Variants in UNC80 observed in about 807,000 individuals in gnomAD.
UNC80 encodes protein unc-80 homolog.
A neutral mutation model predicts 384.6 loss-of-function variants in UNC80; 164 were observed. That is an observed-to-expected ratio of 0.43 (90% CI 0.38 to 0.49). The LOEUF is 0.49. Ranked by LOEUF, UNC80 falls within the 20% of genes least tolerant of loss-of-function variation. The pLI is 0.00. For missense variants in UNC80, 3,330 were observed against 4,143.0 expected (o/e 0.80, Z 5.39); for synonymous variants, 1,486 against 1,527.8 (o/e 0.97, Z 0.64).
chr2:209,879,504 C>T (rs2085087411), intron 24 of UNC80, among the ~76,000 whole-genome samples: 1 of 152,102 alleles, frequency 6.6e-6, no homozygotes, highest in Non-Finnish European at 1.5e-5. Flanking sequence ...CCTGAAAGAG[C>T]CTAGACTAAG....
intron 16 of UNC80, among the ~76,000 whole-genome samples, chr2:209,832,221 G>C (rs2081024303): frequency 6.6e-6 from 1 of 152,020 alleles, no homozygotes; most frequent in Non-Finnish European, 1.5e-5. Context: ...CTGCTTGGGG[G>C]ATGGGTGCAC....
rs75953381 is a variant in UNC80 at position 209,936,927 on chromosome 2, C to T, written c.6357C>T (p.Tyr2119=). The change falls in exon 41 of 65, where the codon TAC becomes TAT. Residue 2119 remains tyrosine (Y), a synonymous_variant. Transcript: ENST00000673920. ...ATAAACGATGGAACCTTATCCACTA[C>T]AATAAGGTGAGACACCAGTAGTGAC... ...LMDKRWNLIH[Y]NKTYVRDIYP... is the part of the protein sequence containing the mutation. 1.8e-3 allele frequency: 2,732 copies of T among 1,542,058 alleles called. 7 individuals are homozygous for T. Among genetic ancestry groups the T allele is most frequent in the Non-Finnish European group, 2.2e-3 (2,520 of 1,138,256 alleles).
intron 23 of UNC80, among the ~76,000 whole-genome samples, chr2:209,875,089 A>G (rs1160134698): frequency 6.6e-6 from 1 of 152,054 alleles, no homozygotes; most frequent in East Asian, 1.9e-4. Flanking sequence ...CATTTAATGC[A>G]TCCTACACAC....
intron 4 of UNC80, 106 bp from the exon 5 acceptor site, chr2:209,785,959 CA>C: frequency 7.8e-7 from 1 of 1,279,454 alleles, no homozygotes; most frequent in Non-Finnish European, 1.1e-6. Flanking sequence ...CAGATAAATT[CA>C]CTCTGAAAAT....
intron 14 of UNC80, among the ~76,000 whole-genome samples, chr2:209,827,605 A>G (rs2080635410): frequency 6.6e-6 from 1 of 152,134 alleles, no homozygotes; most frequent in Non-Finnish European, 1.5e-5. Flanking sequence ...AATGCTCATT[A>G]TTGATATTAT....
intron 21 of UNC80, among the ~76,000 whole-genome samples, chr2:209,844,482 TCC>T (rs1380256967): frequency 6.8e-5 from 5 of 73,484 alleles, no homozygotes; most frequent in Non-Finnish European, 1.1e-4. Flanking sequence ...TTTCTTTCCT[TCC>T]TTCCTTCCTT....
chr2:209,967,490 C>T lies in UNC80; in HGVS notation c.7859C>T (p.Thr2620Ile), dbSNP rs560809528. The T allele has an allele frequency of 3.2e-6, 5 of 1,551,552 alleles. No individual in the cohort carries two copies. The highest frequency in any genetic ancestry group is 2.4e-5 in the East Asian group (1 of 40,918). The change falls in exon 52 of 65, where the codon ACA (threonine) becomes ATA (isoleucine). Residue 2620 changes from threonine to isoleucine, a missense_variant. By Grantham distance (89) the Thr-to-Ile change is moderately conservative (BLOSUM62 -1). Transcript: ENST00000673920. ...AAGCTGGCACCATATGACACTCAGA[C>T]AATGGAGAGTCGTGGGCTTCGGCGC... is the stretch of plus-strand genomic sequence containing the variant. ...LLKLAPYDTQTMESRGLRRYI... is the reference protein window; with the variant it reads ...LLKLAPYDTQIMESRGLRRYI...
intron 60 of UNC80, among the ~76,000 whole-genome samples, chr2:209,984,498 A>G (rs1435747787): frequency 1.3e-5 from 2 of 152,126 alleles, no homozygotes; most frequent in East Asian, 3.9e-4. Context: ...AATAATCACC[A>G]CCTAGCCAAA....
intron 18 of UNC80, among the ~76,000 whole-genome samples, chr2:209,835,258 A>T (rs2081261128): frequency 6.6e-6 from 1 of 152,178 alleles, no homozygotes; most frequent in African/African-American, 2.4e-5. Context: ...TCTGCTTTTC[A>T]TGCACACTAC....
chr2:209,879,947 C>A (rs2085138382), intron 24 of UNC80, among the ~76,000 whole-genome samples: 1 of 152,148 alleles, frequency 6.6e-6, no homozygotes, highest in Non-Finnish European at 1.5e-5. Context: ...AGTATGTATT[C>A]TATTCAATTA....
At chr2:209,777,176 A>T in intron 3 of UNC80, 82 bp from the exon 4 acceptor site, 1 of 1,425,470 alleles carries the variant, frequency 7.0e-7, no homozygotes, top group Admixed American at 2.3e-5. Context: ...AAGGAGGGAT[A>T]TTCTTCCCAG....
chr2:209,912,998 C>T (rs2089127637), intron 30 of UNC80, among the ~76,000 whole-genome samples: 1 of 152,162 alleles, frequency 6.6e-6, no homozygotes, highest in Non-Finnish European at 1.5e-5. Flanking sequence ...GTTCATATCC[C>T]ATGTCTGCTG....
intron 5 of UNC80, 29 bp from the exon 6 acceptor site, chr2:209,789,503 A>T (rs2077660274): frequency 6.4e-7 from 1 of 1,552,468 alleles, no homozygotes; most frequent in African/African-American, 1.4e-5. Flanking sequence ...AAACCTTACA[A>T]AACGATGGAA....
Position 209,816,857 on chromosome 2 carries a change from T to C in UNC80, c.1336-52T>C, listed in dbSNP as rs565401735. 59 of 1,521,938 alleles carry C rather than the reference T, an allele frequency of 3.9e-5. No individual in the cohort carries two copies. The East Asian group carries it at 1.2e-3, about 32-fold the overall frequency. The allele number at this position is 1,521,938 out of a possible 1,614,324, so 94.3% of individuals were successfully genotyped here. ...ATCATGGAGCCCCTTGGGAAGCAGA[T>C]TGTAACCTTTTCTTTGCCCTGTGCC... On this transcript the variant is annotated intron_variant, in intron 9 of 64. Coordinates refer to ENST00000673920, the MANE Select transcript of UNC80 (RefSeq NM_001371986.1).
chr2:209,828,513 T>C (rs575370939), intron 14 of UNC80, among the ~76,000 whole-genome samples: 3 of 152,136 alleles, frequency 2.0e-5, no homozygotes, highest in East Asian at 1.9e-4. Context: ...TCTTTTTTTT[T>C]TCTCTCTCAA....
intron 4 of UNC80, among the ~76,000 whole-genome samples, chr2:209,783,969 G>A (rs901762218): frequency 1.3e-5 from 2 of 152,018 alleles, no homozygotes; most frequent in African/African-American, 2.4e-5. Context: ...GTGCTTACTC[G>A]GTATCTCTAG....
chr2:209,994,143 C>T lies in UNC80; in HGVS notation c.9587C>T (p.Thr3196Ile), dbSNP rs750328362. 1.3e-6 allele frequency: 2 copies of T among 1,551,688 alleles called. No individual in the cohort carries two copies. The highest frequency in any genetic ancestry group is 2.4e-5 in the South Asian group (2 of 84,060). Residue 3196 changes from threonine (T) to isoleucine (I), a missense_variant, in exon 64 of 65, where the codon ACA becomes ATA. Transcript: ENST00000673920. ...GCCCCAACAGATGCGCTTCCTGCAA[C>T]AGGCCAACTACAGGGCTGTAGCCCA... ...AAAPTDALPA[T>I]GQLQGCSPAP...
intron 14 of UNC80, among the ~76,000 whole-genome samples, chr2:209,827,270 G>T (rs2080602770): frequency 6.6e-6 from 1 of 151,882 alleles, no homozygotes; most frequent in Non-Finnish European, 1.5e-5. Context: ...TGCCTTCAAA[G>T]ACAAATAAAC....
chr2:209,971,466 A>G (rs954676775), intron 54 of UNC80, among the ~76,000 whole-genome samples: 6 of 137,400 alleles, frequency 4.4e-5, no homozygotes, highest in African/African-American at 1.7e-4. Context: ...TCCCAAGGCA[A>G]AAAAAAAAAA....
Sources: gnomAD v4.1 joint callset for allele counts (sites outside exome capture counted in the v4.1 genomes callset) on GRCh38, gnomAD v4.1.1 for gene constraint, MANE v1.5 for transcripts, NCBI Gene and HGNC (gene_info 2026-07-23, HGNC 2026-07-21) for gene names.